The following MICAL2 variants were observed in gnomAD, a reference collection of about 807,000 sequenced individuals.
MICAL2 encodes the protein microtubule associated monooxygenase, calponin and LIM domain containing 2, also known as [F-actin]-monooxygenase MICAL2.
Under a neutral mutation model 127.3 loss-of-function variants are expected in MICAL2, and 77 were observed. The observed-to-expected ratio is 0.60, with a 90% CI of 0.50 to 0.73. The LOEUF (loss-of-function observed/expected upper bound fraction) is 0.73, where lower values mean the gene tolerates loss of function less well. MICAL2 is among the 30% of genes least tolerant of loss of function. The pLI, the probability that MICAL2 is intolerant of heterozygous loss-of-function variation, is 0.00. For synonymous variants in MICAL2, 570 were observed against 551.1 expected (o/e 1.03, Z -0.48); for missense variants, 1,351 against 1,434.4 (o/e 0.94, Z 0.94).
At chr11:12,251,083 G>C (rs1157867716) in intron 22 of MICAL2, among the ~76,000 whole-genome samples, 2 of 149,292 alleles carry the variant, frequency 1.3e-5, no homozygotes, top group Non-Finnish European at 2.9e-5. Context: ...GTAAGTGTTG[G>C]AAACTTGTAG....
rs540952385 is a variant in MICAL2 at position 12,214,998 on chromosome 11, A to G, written c.848-1221A>G. On this transcript the variant is annotated intron_variant, in intron 7 of 27. Transcript: ENST00000683283. Reference sequence around the variant, plus strand: ...TCACTGGCCTGGAGGGTATGTGCTCACTGCACAACCCTCTCAGTTTCACCT... The same window carrying G: ...TCACTGGCCTGGAGGGTATGTGCTCGCTGCACAACCCTCTCAGTTTCACCT... 3.9e-5 allele frequency among the ~76,000 whole-genome samples: 6 copies of G among 152,362 alleles called. No individual in the cohort carries two copies. In the East Asian group the frequency reaches 7.7e-4, roughly 20 times the overall value.
intron 3 of MICAL2, among the ~76,000 whole-genome samples, chr11:12,195,219 T>C (rs1202218210): frequency 2.0e-5 from 3 of 152,224 alleles, no homozygotes; most frequent in African/African-American, 7.2e-5. Context: ...ATTGTGGCAC[T>C]GTACTCCAGC....
At chr11:12,242,509 G>C in intron 19 of MICAL2, 77 bp downstream of exon 19, 2 of 1,516,636 alleles carry the variant, frequency 1.3e-6, no homozygotes, top group Middle Eastern at 1.9e-4. Flanking sequence ...TCCTACCCGG[G>C]TGGGTTCCTC....
At chr11:12,287,478 A>C (rs141888688), downstream of MICAL2, among the ~76,000 whole-genome samples, 1 of 152,150 alleles carries the variant, frequency 6.6e-6, no homozygotes, top group Non-Finnish European at 1.5e-5. Flanking sequence ...TTTGAAATAC[A>C]GATGAGTAAA....
intron 32 of MICAL2, among the ~76,000 whole-genome samples, chr11:12,335,706 A>C (rs1381253500): frequency 6.6e-6 from 1 of 152,174 alleles, no homozygotes; most frequent in Non-Finnish European, 1.5e-5. Flanking sequence ...TTTATTAAAT[A>C]GGGAATCCTT....
intron 3 of MICAL2, among the ~76,000 whole-genome samples, chr11:12,168,145 TACACAC>T (rs3044619): frequency 2.1e-5 from 3 of 146,158 alleles, no homozygotes; most frequent in Non-Finnish European, 4.5e-5. Context: ...CTACAGCAAA[TACACAC>T]ACACACACAC....
chr11:12,288,479 G>A (rs906595294), downstream of MICAL2, among the ~76,000 whole-genome samples: 1 of 152,230 alleles, frequency 6.6e-6, no homozygotes, highest in Non-Finnish European at 1.5e-5. Flanking sequence ...GGAGGTGCAG[G>A]AGCAAGAGGA....
intron 3 of MICAL2, among the ~76,000 whole-genome samples, chr11:12,200,907 C>G (rs901644118): frequency 6.6e-6 from 1 of 152,118 alleles, no homozygotes; most frequent in African/African-American, 2.4e-5. Flanking sequence ...CTCCTTCTTT[C>G]CTGCCTCTCT....
chr11:12,191,196 G>T (rs1212020558), intron 3 of MICAL2, among the ~76,000 whole-genome samples: 1 of 152,144 alleles, frequency 6.6e-6, no homozygotes, highest in African/African-American at 2.4e-5. Flanking sequence ...CGGGTGCGGT[G>T]GCCCACGCCT....
chr11:12,357,106 C>T (rs1939141053), intron 34 of MICAL2, among the ~76,000 whole-genome samples: 1 of 152,178 alleles, frequency 6.6e-6, no homozygotes, highest in South Asian at 2.1e-4. Context: ...TTCTTTGTCT[C>T]CCTTTCATCA....
chr11:12,359,334 CAA>C (rs138650957), downstream of MICAL2, among the ~76,000 whole-genome samples: 2,854 of 137,280 alleles, frequency 0.021, 59 homozygotes, highest in African/African-American at 0.064. Flanking sequence ...TTGATGATGG[CAA>C]AAAAAAAAAA....
intron 3 of MICAL2, among the ~76,000 whole-genome samples, chr11:12,166,791 G>A (rs923411280): frequency 6.6e-6 from 1 of 152,220 alleles, no homozygotes; most frequent in East Asian, 1.9e-4. Context: ...ATGACTGACT[G>A]TGACAGGGGT....
At chr11:12,352,154 A>G (rs903792243) in intron 33 of MICAL2, among the ~76,000 whole-genome samples, 3 of 152,186 alleles carry the variant, frequency 2.0e-5, no homozygotes, top group Non-Finnish European at 4.4e-5. Context: ...TGTCCACTCT[A>G]CCTGACTACA....
rs369143961 is a variant in MICAL2, at chr11:12,239,546, G to T, written c.2175G>T (p.Lys725Asn). 1 of 1,614,258 alleles carries T rather than the reference G, an allele frequency of 6.2e-7. No individual in the cohort carries two copies. Among genetic ancestry groups the T allele is most frequent in the Non-Finnish European group, 8.5e-7 (1 of 1,180,054 alleles). ...CCATGGCGAATCAGCTGCTGGCCAA[G>T]TTTGAGGAGAGCACTCGGAACCCCT... The part of the protein sequence containing the change: ...VKSMANQLLA[K>N]FEESTRNPSL... The change falls in exon 17 of 28, where the codon AAG becomes AAT. Residue 725 changes from lysine (K) to asparagine (N), a missense_variant. Physicochemically the swap from Lys to Asn is moderately conservative, Grantham distance 94. Coordinates refer to ENST00000683283, the MANE Select transcript of MICAL2 (RefSeq NM_001282663.2).
intron 29 of MICAL2, among the ~76,000 whole-genome samples, chr11:12,301,946 G>C (rs1864052237): frequency 6.6e-6 from 1 of 152,166 alleles, no homozygotes; most frequent in Non-Finnish European, 1.5e-5. Context: ...CATGTTGTAA[G>C]CTCTTTTTAA....
chr11:12,274,376 C>G, upstream of MICAL2: 1 of 152,184 alleles, frequency 6.6e-6, no homozygotes, highest in Non-Finnish European at 1.5e-5. Flanking sequence ...AGACAAAAAT[C>G]ACTGCTTACA....
intron 2 of MICAL2, among the ~76,000 whole-genome samples, chr11:12,156,839 G>A (rs937878416): frequency 6.6e-6 from 1 of 152,248 alleles, no homozygotes; most frequent in African/African-American, 2.4e-5. Context: ...TCTTCTGTGT[G>A]CGAGAGTTAG....
intron 1 of MICAL2, among the ~76,000 whole-genome samples, chr11:12,127,934 G>A (rs1851081815): frequency 6.6e-6 from 1 of 152,156 alleles, no homozygotes; most frequent in Non-Finnish European, 1.5e-5. Context: ...TACCATTTCA[G>A]GCACGTTTTC....
At chr11:12,338,083 G>T (rs527451695) in intron 32 of MICAL2, among the ~76,000 whole-genome samples, 99 of 152,238 alleles carry the variant, frequency 6.5e-4, no homozygotes, top group African/African-American at 2.1e-3. Context: ...TATTGTGTGG[G>T]AGTCTAAGTC....
Sources: gnomAD v4.1 joint callset for allele counts (sites outside exome capture counted in the v4.1 genomes callset) on GRCh38, gnomAD v4.1.1 for gene constraint, MANE v1.5 for transcripts, NCBI Gene and HGNC (gene_info 2026-07-23, HGNC 2026-07-21) for gene names.